EHD4: variants seen among roughly 807,000 people sequenced by gnomAD.
EHD4 encodes the protein EH domain containing 4, also known as EH domain-containing protein 4.
A neutral mutation model predicts 51.0 loss-of-function variants in EHD4; 37 were observed. The observed-to-expected ratio is 0.73, with a 90% CI of 0.56 to 0.95. EHD4 has a LOEUF of 0.95. EHD4 is among the 40% of genes least tolerant of loss of function. The probability of loss-of-function intolerance (pLI) is 0.00; values close to 1 mark genes in which losing one functional copy is unlikely to be tolerated. For missense variants in EHD4, 632 were observed against 733.1 expected (o/e 0.86, Z 1.59); for synonymous variants, 297 against 317.3 (o/e 0.94, Z 0.68).
At chr15:41,966,104 T>A (rs1276347868) in intron 1 of EHD4, among the ~76,000 whole-genome samples, 1 of 152,086 alleles carries the variant, frequency 6.6e-6, no homozygotes, top group Admixed American at 6.5e-5. Context: ...CTTTTCATTC[T>A]GCTGAGGTTG....
At chr15:41,961,126 T>C (rs1204832906) in intron 1 of EHD4, among the ~76,000 whole-genome samples, 2 of 152,220 alleles carry the variant, frequency 1.3e-5, no homozygotes, top group African/African-American at 2.4e-5. Flanking sequence ...ATTGAACCAA[T>C]AAACTGGAAT....
At chr15:41,903,707 G>A (rs2067494070) in intron 5 of EHD4, among the ~76,000 whole-genome samples, 1 of 152,092 alleles carries the variant, frequency 6.6e-6, no homozygotes, top group Non-Finnish European at 1.5e-5. Flanking sequence ...GGAATTCTGG[G>A]CTGACATTTG....
rs148918551 is a variant in EHD4, at chr15:41,919,373, C to T, written c.761G>A (p.Arg254His). ...CGCCCAGAAGGAGCCAATGTAGACG[C>T]GCAGTACCTCGGGCGTGTTGATGAC... is the stretch of plus-strand genomic sequence containing the variant. ...GKVINTPEVLRVYIGSFWAQP... is the reference protein window; with the variant it reads ...GKVINTPEVLHVYIGSFWAQP... Residue 254 changes from arginine to histidine, a missense_variant, in exon 4 of 6, where the codon CGC becomes CAC. Physicochemically the swap from Arg to His is conservative, Grantham distance 29. Transcript: ENST00000220325. 115 of 1,613,430 alleles carry T rather than the reference C, an allele frequency of 7.1e-5. No homozygotes were observed. Among genetic ancestry groups the T allele is most frequent in the East Asian group, 4.5e-5 (2 of 44,890 alleles).
rs954599693 is a variant in EHD4, at chr15:41,916,962, T to C, written c.924+2248A>G. Among the ~76,000 whole-genome samples, 9 of 152,336 alleles carry C rather than the reference T, an allele frequency of 5.9e-5. No homozygotes were observed. In the South Asian group the frequency reaches 1.7e-3, roughly 28 times the overall value. On this transcript the variant is annotated intron_variant, in intron 4 of 5. Coordinates refer to ENST00000220325, the MANE Select transcript of EHD4 (RefSeq NM_139265.4). ...ACACAAGGGTTTTCATTATTCACAG[T>C]GTCAGAATACAGAGCAGCGTTCTGT...
At chr15:41,925,061 A>C (rs1247744342) in intron 3 of EHD4, among the ~76,000 whole-genome samples, 3 of 13,968 alleles carry the variant, frequency 2.1e-4, no homozygotes, top group African/African-American at 3.1e-4. Flanking sequence ...CTGTATCTCA[A>C]AAAAAAAAAA....
intron 2 of EHD4, among the ~76,000 whole-genome samples, chr15:41,944,402 C>A (rs1478378229): frequency 5.3e-5 from 8 of 152,168 alleles, no homozygotes; most frequent in Admixed American, 4.6e-4. Context: ...ACATCTGTGT[C>A]TGTGTGGGCA....
chr15:41,961,293 G>C (rs1566827634), intron 1 of EHD4, among the ~76,000 whole-genome samples: 2 of 152,220 alleles, frequency 1.3e-5, no homozygotes, highest in Admixed American at 6.5e-5. Flanking sequence ...GTTTTGGGAG[G>C]AGGGTGAAAG....
chr15:41,952,370 C>A (rs1449438823), intron 2 of EHD4, among the ~76,000 whole-genome samples: 1 of 152,158 alleles, frequency 6.6e-6, no homozygotes, highest in African/African-American at 2.4e-5. Flanking sequence ...CCTCCTACAA[C>A]CCACTCCTCC....
chr15:41,927,225 T>C (rs1031264782), intron 3 of EHD4, among the ~76,000 whole-genome samples: 1 of 152,242 alleles, frequency 6.6e-6, no homozygotes, highest in African/African-American at 2.4e-5. Flanking sequence ...GCACAGTAGG[T>C]GTTCAATACA....
In EHD4 at chr15:41,900,944, C is replaced by A; in HGVS notation, c.1327G>T (p.Val443Phe). Residue 443 changes from valine (V) to phenylalanine (F), a missense_variant, in exon 6 of 6, where the codon GTC becomes TTC. Physicochemically the swap from Val to Phe is conservative, Grantham distance 50. Transcript: ENST00000220325. The surrounding 1 kb of genome is among the most constrained non-coding windows in gnomAD (Gnocchi z 4.8). Reference protein sequence around the residue: ...AKEGADEEEWVVAKDKPVYDE... With the variant: ...AKEGADEEEWFVAKDKPVYDE... ...TAGACGGGCTTGTCTTTGGCCACGA[C>A]CCACTCCTCCTCGTCGGCGCCCTCC... 1 of 1,613,744 alleles carries A rather than the reference C, an allele frequency of 6.2e-7. No homozygotes were observed. The highest frequency in any genetic ancestry group is 8.5e-7 in the Non-Finnish European group (1 of 1,179,678).
At chr15:41,954,427 A>G (rs2067873317) in intron 1 of EHD4, among the ~76,000 whole-genome samples, 1 of 152,214 alleles carries the variant, frequency 6.6e-6, no homozygotes, top group Admixed American at 6.5e-5. Context: ...CATTCCTGCA[A>G]CTAACAATCT....
intron 1 of EHD4, among the ~76,000 whole-genome samples, chr15:41,959,837 G>C (rs968567571): frequency 6.6e-6 from 1 of 151,984 alleles, no homozygotes; most frequent in Non-Finnish European, 1.5e-5. Flanking sequence ...GGGCGTGGTG[G>C]TGCGCACCTG....
intron 5 of EHD4, among the ~76,000 whole-genome samples, chr15:41,903,270 C>T (rs1255510296): frequency 8.0e-6 from 1 of 124,456 alleles, no homozygotes. Flanking sequence ...AGCAATGTGA[C>T]AGGCTGCTAG....
At chr15:41,950,923 A>G (rs1351974947) in intron 2 of EHD4, among the ~76,000 whole-genome samples, 1 of 152,224 alleles carries the variant, frequency 6.6e-6, no homozygotes, top group African/African-American at 2.4e-5. Flanking sequence ...TGTACATGAA[A>G]TTACGTAAGT....
At chr15:41,922,617 G>A (rs1418951424) in intron 3 of EHD4, among the ~76,000 whole-genome samples, 2 of 152,166 alleles carry the variant, frequency 1.3e-5, no homozygotes, top group African/African-American at 4.8e-5. Flanking sequence ...GGGTTGAATG[G>A]TTACCTTTGA....
chr15:41,945,141 C>CA (rs1388472403), intron 2 of EHD4, among the ~76,000 whole-genome samples: 4 of 152,220 alleles, frequency 2.6e-5, no homozygotes, highest in Admixed American at 6.5e-5. Flanking sequence ...TGGCCCGAGA[C>CA]ATCTGGCGGA....
At chr15:41,919,166 G>A (rs756899518) in intron 4 of EHD4, 44 bp downstream of exon 4, 1 of 1,610,216 alleles carries the variant, frequency 6.2e-7, no homozygotes. Context: ...GGAGACAGCA[G>A]AGTCCCAGCC....
intron 4 of EHD4, among the ~76,000 whole-genome samples, chr15:41,915,787 T>A (rs953486735): frequency 2.6e-5 from 4 of 152,096 alleles, no homozygotes; most frequent in African/African-American, 7.2e-5. Flanking sequence ...CATCTCAGAG[T>A]GTGAGCCGTC....
intron 2 of EHD4, among the ~76,000 whole-genome samples, chr15:41,945,733 T>C (rs1304681227): frequency 6.6e-6 from 1 of 152,220 alleles, no homozygotes; most frequent in East Asian, 1.9e-4. Flanking sequence ...AAAATCCTAA[T>C]GGTGTTCTAG....
Sources: allele counts gnomAD v4.1 joint callset (sites outside exome capture counted in the v4.1 genomes callset), GRCh38; gene constraint gnomAD v4.1.1; non-coding constraint Gnocchi (gnomAD v3.1); transcripts MANE v1.5; gene names NCBI Gene and HGNC (gene_info 2026-07-23, HGNC 2026-07-21).